THADA: variants seen among roughly 807,000 people sequenced by gnomAD.
THADA encodes tRNA (32-2'-O)-methyltransferase regulator THADA.
In THADA, 213 loss-of-function variants were observed where a neutral mutation model predicts 219.8. The observed-to-expected ratio is 0.97, with a 90% CI of 0.87 to 1.09. The LOEUF is 1.09. THADA is among the 50% of genes least tolerant of loss of function. The probability of loss-of-function intolerance (pLI) is 0.00; values close to 1 mark genes in which losing one functional copy is unlikely to be tolerated. For missense variants in THADA, 2,956 were observed against 2,311.3 expected, an observed-to-expected ratio of 1.28 and a Z score of -5.72; for synonymous variants, 1,018 against 828.9, an observed-to-expected ratio of 1.23 and a Z score of -3.92.
chr2:43,429,518 T>C (rs1204469457), intron 27 of THADA, among the ~76,000 whole-genome samples: 1 of 152,114 alleles, frequency 6.6e-6, no homozygotes, highest in Non-Finnish European at 1.5e-5. Flanking sequence ...ACAAGAACCA[T>C]TTCTGAACAC....
intron 28 of THADA, among the ~76,000 whole-genome samples, chr2:43,425,530 A>G (rs946208627): frequency 6.6e-6 from 1 of 151,438 alleles, no homozygotes; most frequent in African/African-American, 2.4e-5. Context: ...TTTGCTACTC[A>G]AAATGTGATC....
intron 31 of THADA, among the ~76,000 whole-genome samples, chr2:43,303,641 A>G (rs1676509732): frequency 6.6e-6 from 1 of 151,740 alleles, no homozygotes; most frequent in African/African-American, 2.4e-5. Flanking sequence ...ATTCTGAAAA[A>G]AAAATGGTAA....
intron 25 of THADA, among the ~76,000 whole-genome samples, chr2:43,486,089 A>C (rs1686891084): frequency 6.6e-6 from 1 of 152,152 alleles, no homozygotes; most frequent in South Asian, 2.1e-4. Flanking sequence ...GTCTTTAAAA[A>C]AACAAAAAGA....
At position 43,231,062 on chromosome 2, in the gene THADA, C is replaced by T. The variant is rs1368831970; in HGVS notation, c.5748G>A (p.Arg1916=). 1.9e-6 allele frequency: 3 copies of T among 1,613,966 alleles called. No homozygotes were observed. The highest frequency in any genetic ancestry group is 2.5e-6 in the Non-Finnish European group (3 of 1,179,878). The change falls in exon 38 of 38, where the codon AGG becomes AGA. Residue 1916 remains arginine (R), a synonymous_variant. Coordinates refer to ENST00000405975, the MANE Select transcript of THADA (RefSeq NM_022065.5). ...IQEERTLACL[R]LLAFLEGKEG... ...CCTTTCCTTCCAAAAAGGCCAGCAG[C>T]CTCAAGCAAGCCAAAGTCCTTTCCT...
At chr2:43,379,470 G>T (rs946768167) in intron 29 of THADA, among the ~76,000 whole-genome samples, 5 of 152,046 alleles carry the variant, frequency 3.3e-5, no homozygotes, top group African/African-American at 1.2e-4. Flanking sequence ...TAAAAGACAA[G>T]AACTATAAAA....
intron 29 of THADA, among the ~76,000 whole-genome samples, chr2:43,382,488 C>T (rs1018951983): frequency 1.3e-5 from 2 of 151,842 alleles, no homozygotes; most frequent in Non-Finnish European, 2.9e-5. Context: ...CTTGGAGAGA[C>T]AAAGAATGAA....
At chr2:43,558,487 A>G (rs1292627196) in intron 16 of THADA, among the ~76,000 whole-genome samples, 1 of 152,234 alleles carries the variant, frequency 6.6e-6, no homozygotes, top group Non-Finnish European at 1.5e-5. Context: ...GGACTGGGAA[A>G]GGCAGATCCA....
chr2:43,303,161 T>A (rs549738875), intron 31 of THADA, among the ~76,000 whole-genome samples: 1 of 152,144 alleles, frequency 6.6e-6, no homozygotes, highest in South Asian at 2.1e-4. Flanking sequence ...CTTTGCAGAG[T>A]CCTTCATGGC....
At chr2:43,441,042 T>C (rs1399888755) in intron 26 of THADA, among the ~76,000 whole-genome samples, 1 of 152,246 alleles carries the variant, frequency 6.6e-6, no homozygotes, top group Non-Finnish European at 1.5e-5. Context: ...AATTGTTTTG[T>C]TTTTAAGAGC....
At chr2:43,526,867 T>C (rs1371729102) in intron 22 of THADA, among the ~76,000 whole-genome samples, 2 of 152,220 alleles carry the variant, frequency 1.3e-5, no homozygotes, top group Non-Finnish European at 2.9e-5. Context: ...CTGGTATTCA[T>C]ACATTCTTGT....
intron 14 of THADA, among the ~76,000 whole-genome samples, chr2:43,568,654 A>G (rs1698949420): frequency 6.6e-6 from 1 of 152,214 alleles, no homozygotes; most frequent in African/African-American, 2.4e-5. Context: ...TACCCCTTGC[A>G]AAAAGAAAGC....
chr2:43,529,793 G>A (rs575270659), intron 21 of THADA, among the ~76,000 whole-genome samples: 1 of 152,310 alleles, frequency 6.6e-6, no homozygotes, highest in East Asian at 1.9e-4. Flanking sequence ...ATAGGGACTA[G>A]ATTAGTATTC....
chr2:43,369,066 A>G (rs1386882608), intron 29 of THADA, among the ~76,000 whole-genome samples: 1 of 152,210 alleles, frequency 6.6e-6, no homozygotes, highest in Non-Finnish European at 1.5e-5. Flanking sequence ...CGTGCAACTA[A>G]AATTATTATT....
chr2:43,310,422 C>T (rs895992989), intron 31 of THADA, among the ~76,000 whole-genome samples: 9 of 152,008 alleles, frequency 5.9e-5, no homozygotes, highest in African/African-American at 1.9e-4. Flanking sequence ...AATTAAGAAT[C>T]GAGAAACAAA....
chr2:43,431,296 C>T (rs914674116), intron 26 of THADA, among the ~76,000 whole-genome samples: 2 of 152,146 alleles, frequency 1.3e-5, no homozygotes, highest in Non-Finnish European at 2.9e-5. Flanking sequence ...TACATACACT[C>T]GTAATCCACA....
intron 21 of THADA, among the ~76,000 whole-genome samples, chr2:43,529,625 T>G (rs1693613416): frequency 6.6e-6 from 1 of 152,220 alleles, no homozygotes; most frequent in South Asian, 2.1e-4. Context: ...TAGTAACTAT[T>G]GTCTTTTAAA....
At chr2:43,594,434 A>C (rs1482543343) in intron 1 of THADA, among the ~76,000 whole-genome samples, 2 of 152,072 alleles carry the variant, frequency 1.3e-5, no homozygotes, top group South Asian at 4.2e-4. Flanking sequence ...AAATACAAAA[A>C]TTAGCCGGGT....
Position 43,428,164 on chromosome 2 carries a change from C to T in THADA, c.3994G>A (p.Ala1332Thr), listed in dbSNP as rs374567143. The T allele has an allele frequency of 9.9e-6, 16 of 1,610,008 alleles. No homozygotes were observed. The African/African-American group carries it at 1.5e-4, about 15-fold the overall frequency. ...GAAGAAGTACCATCCATCGGGGAAG[C>T]GTAGAGTCTCTCCAACACCAAAAGT... ...LLLLVLERLY[A>T]SPMDGTSSAL... is the part of the protein sequence containing the mutation. Residue 1332 changes from alanine to threonine, a missense_variant, in exon 28 of 38, where the codon GCT becomes ACT. Physicochemically the swap from Ala to Thr is moderately conservative, Grantham distance 58 (BLOSUM62 0). Coordinates refer to ENST00000405975, the MANE Select transcript of THADA (RefSeq NM_022065.5).
intron 36 of THADA, among the ~76,000 whole-genome samples, chr2:43,246,357 C>A (rs754367072): frequency 6.6e-6 from 1 of 151,854 alleles, no homozygotes; most frequent in South Asian, 2.1e-4. Context: ...TAGCCGGGCA[C>A]GGTGGTGGGC....
Sources: allele counts gnomAD v4.1 joint callset (sites outside exome capture counted in the v4.1 genomes callset), GRCh38; gene constraint gnomAD v4.1.1; transcripts MANE v1.5; gene names NCBI Gene and HGNC (gene_info 2026-07-23, HGNC 2026-07-21).